The following PRDM6 variants were observed in gnomAD, a reference collection of about 807,000 sequenced individuals.
The protein encoded by PRDM6 is putative histone-lysine N-methyltransferase PRDM6.
In PRDM6, 25 loss-of-function variants were observed where a neutral mutation model predicts 60.8. That is an observed-to-expected ratio of 0.41 (90% CI 0.30 to 0.57). The LOEUF (loss-of-function observed/expected upper bound fraction) is 0.57. PRDM6 is among the 20% of genes least tolerant of loss of function. PRDM6 has a pLI of 0.27. For synonymous variants in PRDM6, 407 were observed against 357.4 expected, an observed-to-expected ratio of 1.14 and a Z score of -1.57; for missense variants, 839 against 821.3, an observed-to-expected ratio of 1.02 and a Z score of -0.26.
intron 2 of PRDM6, among the ~76,000 whole-genome samples, chr5:123,096,290 A>G (rs1580474155): frequency 6.6e-6 from 1 of 151,806 alleles, no homozygotes; most frequent in African/African-American, 2.4e-5. Context: ...ATATAATATA[A>G]TGACATATAT....
chr5:123,135,855 C>G (rs1411961464), intron 3 of PRDM6, among the ~76,000 whole-genome samples: 1 of 152,114 alleles, frequency 6.6e-6, no homozygotes, highest in Non-Finnish European at 1.5e-5. Context: ...AATAATCAGA[C>G]CAATCCGCTT....
intron 6 of PRDM6, among the ~76,000 whole-genome samples, 166 bp downstream of exon 6, chr5:123,171,274 A>G (rs969589756): frequency 1.3e-5 from 2 of 152,218 alleles, no homozygotes; most frequent in African/African-American, 2.4e-5. Context: ...TTTCTTGCAT[A>G]TAAGGGCTGC....
chr5:123,182,432 T>C (rs1436876050), intron 7 of PRDM6, among the ~76,000 whole-genome samples: 1 of 152,218 alleles, frequency 6.6e-6, no homozygotes, highest in East Asian at 1.9e-4. Flanking sequence ...AGGAGTCAGA[T>C]TGATTTTTAT....
chr5:123,104,277 AAATG>A (rs138035003), intron 3 of PRDM6, among the ~76,000 whole-genome samples: 2,950 of 152,222 alleles, frequency 0.019, 83 homozygotes, highest in African/African-American at 0.067. Flanking sequence ...TTCTAGAAGA[AAATG>A]AATTGATTTC....
At chr5:123,098,849 C>A (rs1258115633) in intron 2 of PRDM6, among the ~76,000 whole-genome samples, 1 of 148,926 alleles carries the variant, frequency 6.7e-6, no homozygotes, top group Non-Finnish European at 1.5e-5. Context: ...CACCTGTCCC[C>A]GCCCTGCTTC....
chr5:123,162,654 T>G (rs892144211), intron 5 of PRDM6, among the ~76,000 whole-genome samples: 2 of 152,190 alleles, frequency 1.3e-5, no homozygotes, highest in African/African-American at 4.8e-5. Flanking sequence ...ATTAAGCCAT[T>G]GACTAAAGTG....
At chr5:123,131,848 T>C (rs1764841239) in intron 3 of PRDM6, among the ~76,000 whole-genome samples, 1 of 152,240 alleles carries the variant, frequency 6.6e-6, no homozygotes, top group South Asian at 2.1e-4. Flanking sequence ...CAGTGCCAAA[T>C]GTTTTGTTTC....
chr5:123,187,228 C>A lies in PRDM6; in HGVS notation c.*27C>A. 6.7e-7 allele frequency: 1 copy of A among 1,488,362 alleles called. No individual in the cohort carries two copies. The highest frequency in any genetic ancestry group is 9.2e-7 in the Non-Finnish European group (1 of 1,090,008). 92.2% of individuals were successfully genotyped at this position (1,488,362 alleles called of 1,614,324 possible). A position where few individuals can be genotyped will look rare whatever the true frequency, so the allele number is the denominator to read the frequency against. ...GGATTGACTGGTTGGAATTAAACTG[C>A]AAGGAAAGTCATGATTAAATGTCAC... On this transcript the variant is annotated 3_prime_UTR_variant, in exon 8 of 8. Transcript: ENST00000407847.
At position 123,130,202 on chromosome 5, in the gene PRDM6, C is replaced by T. The variant is rs1175136564; in HGVS notation, c.901-25682C>T. 2.5e-5 allele frequency among the ~76,000 whole-genome samples: 2 copies of T among 80,466 alleles called. 1 individual carries two copies. Among genetic ancestry groups the T allele is most frequent in the Non-Finnish European group, 5.1e-5 (2 of 39,030 alleles). 52.8% of individuals were successfully genotyped at this position (80,466 alleles called of 152,430 possible). ...CTTCCCTTCCCTTCCCTTCCTCTCC[C>T]CTTCCCTTTTCCCTTCCCTTCCTCT... On this transcript the variant is annotated intron_variant, in intron 3 of 7. Transcript: ENST00000407847.
intron 3 of PRDM6, among the ~76,000 whole-genome samples, chr5:123,125,235 G>C (rs187069383): frequency 6.6e-6 from 1 of 151,674 alleles, no homozygotes; most frequent in Non-Finnish European, 1.5e-5. Context: ...TTCAGCTGTG[G>C]GTTCCCTTTG....
chr5:123,108,017 G>T (rs1289274443), intron 3 of PRDM6, among the ~76,000 whole-genome samples: 2 of 151,990 alleles, frequency 1.3e-5, no homozygotes, highest in Non-Finnish European at 2.9e-5. Flanking sequence ...TAAAAGCTGC[G>T]TGGTTAGCTC....
Position 123,116,625 on chromosome 5 carries a change from A to G in PRDM6, c.900+16664A>G, listed in dbSNP as rs1008720358. Among the ~76,000 whole-genome samples the G allele has an allele frequency of 5.3e-5, 8 of 152,196 alleles. No homozygotes were observed. In the East Asian group the frequency reaches 1.2e-3, roughly 22 times the overall value. ...TGGAAATCAAACTCAATTATGTAGC[A>G]TAAGTGAAAAAAAAAATTATTTTTC... is the stretch of plus-strand genomic sequence containing the variant. On this transcript the variant is annotated intron_variant, in intron 3 of 7. Transcript: ENST00000407847.
intron 5 of PRDM6, among the ~76,000 whole-genome samples, chr5:123,167,636 G>A (rs1765783636): frequency 1.3e-5 from 2 of 152,164 alleles, no homozygotes; most frequent in Admixed American, 6.5e-5. Context: ...TGATCTGCTT[G>A]CGTCAGCCTC....
chr5:123,165,520 C>T (rs1765733751), intron 5 of PRDM6, among the ~76,000 whole-genome samples: 1 of 152,156 alleles, frequency 6.6e-6, no homozygotes, highest in Non-Finnish European at 1.5e-5. Context: ...TTCATGGTGG[C>T]CAGAGTGAAG....
chr5:123,130,847 G>T (rs547196716), intron 3 of PRDM6, among the ~76,000 whole-genome samples: 13 of 152,160 alleles, frequency 8.5e-5, no homozygotes, highest in African/African-American at 2.9e-4. Flanking sequence ...GATTACAGGC[G>T]TGAGCCACCA....
At chr5:123,129,058 A>C (rs1764761129) in intron 3 of PRDM6, among the ~76,000 whole-genome samples, 1 of 152,030 alleles carries the variant, frequency 6.6e-6, no homozygotes, top group South Asian at 2.1e-4. Flanking sequence ...AGGTTTGTCA[A>C]AGATCAGATG....
At chr5:123,146,423 C>T (rs1224145262) in intron 3 of PRDM6, among the ~76,000 whole-genome samples, 2 of 152,146 alleles carry the variant, frequency 1.3e-5, no homozygotes, top group African/African-American at 4.8e-5. Context: ...TTGTATGTAA[C>T]ATGCAAATCC....
At chr5:123,134,185 G>A (rs1197038644) in intron 3 of PRDM6, among the ~76,000 whole-genome samples, 1 of 151,890 alleles carries the variant, frequency 6.6e-6, no homozygotes, top group Non-Finnish European at 1.5e-5. Context: ...AATAAATGTG[G>A]GATTTAAATA....
In PRDM6 at chr5:123,180,323, A is replaced by G. The variant is rs1766119630; in HGVS notation, c.1673A>G (p.Lys558Arg). 6.5e-7 allele frequency: 1 copy of G among 1,549,088 alleles called. No homozygotes were observed. Among genetic ancestry groups the G allele is most frequent in the Non-Finnish European group, 8.7e-7 (1 of 1,145,446 alleles). ...ACCCACACTGGAGAAAAGCCCTTCA[A>G]GTAAGTAGTGGCTAGCCCTCCACCC... ...IRTHTGEKPF[K>R]CERCERSFTQ... Residue 558 changes from lysine to arginine, a missense_variant and splice_region_variant, in exon 7 of 8, where the codon AAG becomes AGG. By Grantham distance (26) the Lys-to-Arg change is conservative. Coordinates refer to ENST00000407847, the MANE Select transcript of PRDM6 (RefSeq NM_001136239.4).
Sources: allele counts gnomAD v4.1 joint callset (sites outside exome capture counted in the v4.1 genomes callset), GRCh38; gene constraint gnomAD v4.1.1; transcripts MANE v1.5; gene names NCBI Gene and HGNC (gene_info 2026-07-23, HGNC 2026-07-21).